Variants in TMEM14A observed in about 807,000 individuals in gnomAD.
TMEM14A encodes the protein transmembrane protein 14A.
A neutral mutation model predicts 11.6 loss-of-function variants in TMEM14A; 8 were observed. That is an observed-to-expected ratio of 0.69 (90% CI 0.40 to 1.24). The LOEUF is 1.24. Among genes scored for constraint, TMEM14A ranks in the 50% most tolerant of loss-of-function variants. The probability of loss-of-function intolerance (pLI) is 0.01; values close to 1 mark genes in which losing one functional copy is unlikely to be tolerated. For synonymous variants in TMEM14A, 34 were observed against 45.5 expected, an observed-to-expected ratio of 0.75 and a Z score of 1.02; for missense variants, 108 against 121.9, an observed-to-expected ratio of 0.89 and a Z score of 0.54.
intron 4 of TMEM14A, among the ~76,000 whole-genome samples, chr6:52,684,413 G>A (rs1042155742): frequency 6.6e-6 from 1 of 152,166 alleles, no homozygotes; most frequent in Non-Finnish European, 1.5e-5. Context: ...TTTTTCAGAA[G>A]AAAGAGCTAA....
intron 1 of TMEM14A, 75 bp from the exon 2 acceptor site, chr6:52,677,012 C>T (rs568741159): frequency 6.7e-6 from 9 of 1,336,424 alleles, no homozygotes; most frequent in Middle Eastern, 3.7e-4. Flanking sequence ...ACCATATAAG[C>T]GTATCATTTT....
chr6:52,677,989 G>A (rs936836381), intron 2 of TMEM14A, among the ~76,000 whole-genome samples: 10 of 152,002 alleles, frequency 6.6e-5, no homozygotes, highest in African/African-American at 2.4e-4. Flanking sequence ...CATCATCTAC[G>A]ATTCCTTAAA....
intron 2 of TMEM14A, among the ~76,000 whole-genome samples, chr6:52,680,704 T>TACATACACAC (rs1554137485): frequency 2.0e-5 from 1 of 51,100 alleles, no homozygotes; most frequent in Admixed American, 2.1e-4. Context: ...TATATATATA[T>TACATACACAC]ACACATATAT....
chr6:52,672,844 C>T (rs535113578), intron 1 of TMEM14A, among the ~76,000 whole-genome samples: 144 of 152,342 alleles, frequency 9.5e-4, no homozygotes, highest in African/African-American at 3.2e-3. Context: ...CCCTGCCTCA[C>T]TTCACAACCC....
At chr6:52,680,601 A>ATATATATATGTATATATATGTG (rs1561874952) in intron 2 of TMEM14A, among the ~76,000 whole-genome samples, 1 of 124,864 alleles carries the variant, frequency 8.0e-6, no homozygotes, top group Non-Finnish European at 1.7e-5. Flanking sequence ...ATTTATATAT[A>ATATATATATGTATATATATGTG]TATATATATA....
At chr6:52,680,585 T>TATATATATATATATATATATA (rs1561874901) in intron 2 of TMEM14A, among the ~76,000 whole-genome samples, 8 of 33,258 alleles carry the variant, frequency 2.4e-4, no homozygotes, top group Non-Finnish European at 5.6e-4. Context: ...CACTATATAT[T>TATATATATATATATATATATA]TATATATTTA....
At chr6:52,672,240 C>T (rs906643874) in intron 1 of TMEM14A, among the ~76,000 whole-genome samples, 6 of 152,056 alleles carry the variant, frequency 3.9e-5, no homozygotes, top group Admixed American at 6.5e-5. Context: ...TAAACTGAAC[C>T]TTGGTTTGCC....
chr6:52,673,938 G>C (rs1275403915), intron 1 of TMEM14A, among the ~76,000 whole-genome samples: 1 of 152,204 alleles, frequency 6.6e-6, no homozygotes, highest in African/African-American at 2.4e-5. Context: ...TAGGTGTAAG[G>C]GTGAATGAGA....
chr6:52,678,233 A>C (rs993538694), intron 2 of TMEM14A, among the ~76,000 whole-genome samples: 1 of 152,234 alleles, frequency 6.6e-6, no homozygotes, highest in Non-Finnish European at 1.5e-5. Context: ...CTTCTATTAC[A>C]GAACAGAAAA....
chr6:52,685,563 T>G (rs999179926), intron 4 of TMEM14A, among the ~76,000 whole-genome samples: 1 of 150,318 alleles, frequency 6.7e-6, no homozygotes, highest in Non-Finnish European at 1.5e-5. Flanking sequence ...CCAGCCTGGG[T>G]GACAGAGTGA....
chr6:52,685,938 G>A (rs1007427048), intron 4 of TMEM14A, 72 bp from the exon 5 acceptor site: 4 of 1,483,336 alleles, frequency 2.7e-6, no homozygotes, highest in Non-Finnish European at 1.9e-6. Context: ...GGGTAGGCGA[G>A]TGCATGGCCC....
At chr6:52,675,713 TATC>T (rs1479100345) in intron 1 of TMEM14A, among the ~76,000 whole-genome samples, 3 of 152,240 alleles carry the variant, frequency 2.0e-5, no homozygotes, top group African/African-American at 7.2e-5. Context: ...ACAGAAGAGC[TATC>T]TTGCAAGGAA....
chr6:52,672,598 TG>T (rs1301802169), intron 1 of TMEM14A, among the ~76,000 whole-genome samples: 1 of 152,094 alleles, frequency 6.6e-6, no homozygotes, highest in Non-Finnish European at 1.5e-5. Context: ...GGGAATAGCA[TG>T]AGGCTCCCCG....
At chr6:52,680,689 A>ATG (rs371504929) in intron 2 of TMEM14A, among the ~76,000 whole-genome samples, 18,562 of 56,564 alleles carry the variant, frequency 0.33, 4,886 homozygotes, top group Non-Finnish European at 0.44. Flanking sequence ...ATATACATAT[A>ATG]TGTATATATA....
At chr6:52,680,713 A>ATGTATATATATATATACACATATG (rs1769374791) in intron 2 of TMEM14A, among the ~76,000 whole-genome samples, 2 of 97,048 alleles carry the variant, frequency 2.1e-5, no homozygotes, top group Non-Finnish European at 3.9e-5. Context: ...ATACACATAT[A>ATGTATATATATATATACACATATG]TATATGGCAT....
At chr6:52,684,259 G>T (rs1769451423) in intron 4 of TMEM14A, 94 bp downstream of exon 4, 2 of 1,141,136 alleles carry the variant, frequency 1.8e-6, no homozygotes, top group African/African-American at 3.1e-5. Flanking sequence ...AAAGATCAAA[G>T]TCCTTTTTGT....
At chr6:52,675,805 A>G (rs754890830) in intron 1 of TMEM14A, among the ~76,000 whole-genome samples, 1 of 152,264 alleles carries the variant, frequency 6.6e-6, no homozygotes, top group Non-Finnish European at 1.5e-5. Context: ...GAGAGGACTA[A>G]TATCTGTACA....
At chr6:52,674,688 A>G (rs1383609316) in intron 1 of TMEM14A, among the ~76,000 whole-genome samples, 1 of 152,158 alleles carries the variant, frequency 6.6e-6, no homozygotes, top group Non-Finnish European at 1.5e-5. Flanking sequence ...GGTTCTCCCT[A>G]CATGCTACAT....
At chr6:52,671,408 T>A (rs1245553483) in intron 1 of TMEM14A, among the ~76,000 whole-genome samples, 163 bp downstream of exon 1, 3 of 152,174 alleles carry the variant, frequency 2.0e-5, no homozygotes, top group Non-Finnish European at 4.4e-5. Context: ...AGGGCATCGG[T>A]CTTACCTCCG....
Sources: allele counts gnomAD v4.1 joint callset (sites outside exome capture counted in the v4.1 genomes callset), GRCh38; gene constraint gnomAD v4.1.1; transcripts MANE v1.5; gene names NCBI Gene and HGNC (gene_info 2026-07-23, HGNC 2026-07-21).